CCDC3: variants seen among roughly 807,000 people sequenced by gnomAD.
CCDC3 encodes the protein coiled-coil domain-containing protein 3.
CCDC3 carries 24 observed loss-of-function variants against 21.4 expected under a neutral mutation model. That is an observed-to-expected ratio of 1.12 (90% CI 0.81 to 1.58). The LOEUF (loss-of-function observed/expected upper bound fraction) is 1.58. Among genes scored for constraint, CCDC3 ranks in the 40% most tolerant of loss-of-function variants. CCDC3 has a pLI of 0.00. For synonymous variants in CCDC3, 186 were observed against 166.0 expected (o/e 1.12, Z -0.93); for missense variants, 425 against 360.9 (o/e 1.18, Z -1.44).
At position 12,912,785 on chromosome 10, in the gene CCDC3, T is replaced by C. The variant is rs1834290219; in HGVS notation, c.550-14106A>G. On this transcript the variant is annotated intron_variant, in intron 2 of 2. Transcript: ENST00000378825. ...TCTTTAAACATTGAGTTGATTTTTG[T>C]ATATGGCGTGAGATGAGGGCCTAAT... Among the ~76,000 whole-genome samples, 5 of 152,188 alleles carry C rather than the reference T, an allele frequency of 3.3e-5. No homozygotes were observed. In the South Asian group the frequency reaches 8.3e-4, roughly 25 times the overall value.
At chr10:13,009,050 T>C (rs1454450839) in intron 5 of CCDC3, among the ~76,000 whole-genome samples, 1 of 152,200 alleles carries the variant, frequency 6.6e-6, no homozygotes, top group African/African-American at 2.4e-5. Flanking sequence ...ACAAAAAAGC[T>C]ACTAGAATTC....
chr10:12,905,849 C>T (rs1395337424), intron 2 of CCDC3, among the ~76,000 whole-genome samples: 3 of 152,150 alleles, frequency 2.0e-5, no homozygotes, highest in East Asian at 1.9e-4. Context: ...GCTCTAGTCC[C>T]GCAGTTGGCC....
chr10:13,090,106 T>G (rs1258197983), intron 3 of CCDC3, among the ~76,000 whole-genome samples: 35 of 148,224 alleles, frequency 2.4e-4, no homozygotes, highest in East Asian at 2.4e-3. Context: ...TTTTTTTTTT[T>G]TGTGTCAGAG....
At chr10:13,091,398 TCCA>T (rs2131455022) in intron 3 of CCDC3, among the ~76,000 whole-genome samples, 1 of 152,214 alleles carries the variant, frequency 6.6e-6, no homozygotes, top group East Asian at 1.9e-4. Context: ...CATCAACCCT[TCCA>T]CCACATGAGG....
At chr10:12,951,408 A>C (rs1475717681) in intron 2 of CCDC3, among the ~76,000 whole-genome samples, 5 of 152,150 alleles carry the variant, frequency 3.3e-5, no homozygotes, top group Non-Finnish European at 5.9e-5. Context: ...GATGGCTCCT[A>C]ATCTACAGGG....
intron 5 of CCDC3, among the ~76,000 whole-genome samples, chr10:13,014,964 A>G (rs1836034542): frequency 7.2e-6 from 1 of 138,190 alleles, no homozygotes; most frequent in Admixed American, 7.5e-5. Flanking sequence ...TTATGTAGGA[A>G]CAACTGAAAT....
intron 2 of CCDC3, among the ~76,000 whole-genome samples, chr10:12,946,036 C>T (rs1456259041): frequency 1.3e-5 from 2 of 152,170 alleles, no homozygotes; most frequent in Non-Finnish European, 2.9e-5. Flanking sequence ...TTAGTACTAT[C>T]CTCCTGATAC....
At chr10:13,020,910 T>C (rs1836137097) in intron 5 of CCDC3, among the ~76,000 whole-genome samples, 1 of 152,198 alleles carries the variant, frequency 6.6e-6, no homozygotes, top group South Asian at 2.1e-4. Flanking sequence ...TAAATAAATA[T>C]GAGCACTAGG....
At chr10:13,096,157 C>T (rs969838218) in intron 3 of CCDC3, among the ~76,000 whole-genome samples, 2 of 141,288 alleles carry the variant, frequency 1.4e-5, no homozygotes, top group Non-Finnish European at 3.1e-5. Context: ...CCTTCCTTCC[C>T]TCCTTCTTAC....
chr10:12,983,603 GA>G (rs1564308699), intron 2 of CCDC3, among the ~76,000 whole-genome samples: 1 of 140,914 alleles, frequency 7.1e-6, no homozygotes, highest in Non-Finnish European at 1.5e-5. Context: ...AAAACAAAAC[GA>G]AAAAAACTTT....
At position 12,923,353 on chromosome 10, in the gene CCDC3, T is replaced by C. The variant is rs569327593; in HGVS notation, c.550-24674A>G. On this transcript the variant is annotated intron_variant, in intron 2 of 2. Coordinates refer to ENST00000378825, the MANE Select transcript of CCDC3 (RefSeq NM_031455.4). ...TCACAAATACCTGAATTACAGCCAC[T>C]CTGAAATACTCGTTATTCCCTGAAC... Among the ~76,000 whole-genome samples the C allele has an allele frequency of 3.9e-5, 6 of 152,304 alleles. No homozygotes were observed. In the East Asian group the frequency reaches 1.2e-3, roughly 29 times the overall value.
intron 4 of CCDC3, among the ~76,000 whole-genome samples, chr10:13,066,006 T>C (rs759666388): frequency 4.6e-5 from 7 of 152,214 alleles, no homozygotes; most frequent in Non-Finnish European, 8.8e-5. Flanking sequence ...TGCCCTTGCT[T>C]AGGGTAATGT....
chr10:12,906,109 C>T (rs759120455), intron 2 of CCDC3, among the ~76,000 whole-genome samples: 7 of 152,156 alleles, frequency 4.6e-5, no homozygotes, highest in Admixed American at 1.3e-4. Context: ...CAGAGAGCCA[C>T]GTCCACGCAG....
intron 4 of CCDC3, among the ~76,000 whole-genome samples, chr10:13,059,521 G>A (rs936860110): frequency 6.6e-6 from 1 of 152,178 alleles, no homozygotes; most frequent in African/African-American, 2.4e-5. Context: ...ACAACCAAAC[G>A]GGAAAGGCCT....
intron 2 of CCDC3, among the ~76,000 whole-genome samples, chr10:12,961,126 G>A (rs1360044422): frequency 3.3e-5 from 5 of 152,206 alleles, no homozygotes; most frequent in African/African-American, 4.8e-5. Context: ...GCAGTGCTGC[G>A]TGAGCACCGG....
intron 2 of CCDC3, among the ~76,000 whole-genome samples, chr10:12,963,692 G>A (rs190450582): frequency 1.8e-4 from 27 of 146,014 alleles, no homozygotes; most frequent in African/African-American, 6.3e-4. Flanking sequence ...GTGATCCTCC[G>A]CCTCAGCCTC....
chr10:12,932,915 T>A (rs995881934), intron 2 of CCDC3, among the ~76,000 whole-genome samples: 1 of 152,238 alleles, frequency 6.6e-6, no homozygotes, highest in Non-Finnish European at 1.5e-5. Context: ...TCTATTGATA[T>A]GATCATGTGA....
chr10:12,998,501 T>C lies in CCDC3; in HGVS notation c.386A>G (p.Asn129Ser), dbSNP rs1218003644. 1.2e-6 allele frequency: 2 copies of C among 1,613,948 alleles called. No homozygotes were observed. The highest frequency in any genetic ancestry group is 2.7e-5 in the African/African-American group (2 of 74,902). Residue 129 changes from asparagine to serine, a missense_variant, in exon 2 of 3, where the codon AAT becomes AGT. Asn to Ser is a conservative substitution (Grantham distance 46, BLOSUM62 1). Transcript: ENST00000378825. ...SYFFFLRMDE[N>S]YNLLPHGVNF... The stretch of plus-strand genomic sequence containing the variant: ...GACTCCGTGAGGCAAGAGGTTATAA[T>C]TTTCATCCATCCTAATGGAGGAAAA...
intron 5 of CCDC3, among the ~76,000 whole-genome samples, chr10:13,042,405 C>G (rs1588402235): frequency 6.6e-6 from 1 of 152,364 alleles, no homozygotes; most frequent in South Asian, 2.1e-4. Context: ...GAGACCGCCA[C>G]AGGACAGTTT....
Sources: allele counts gnomAD v4.1 joint callset (sites outside exome capture counted in the v4.1 genomes callset), GRCh38; gene constraint gnomAD v4.1.1; transcripts MANE v1.5; gene names NCBI Gene and HGNC (gene_info 2026-07-23, HGNC 2026-07-21).